The following TUT7 variants were observed in gnomAD, a reference collection of about 807,000 sequenced individuals.
The protein encoded by TUT7 is terminal uridylyltransferase 7.
Under a neutral mutation model 165.9 loss-of-function variants are expected in TUT7, and 33 were observed. The observed-to-expected ratio is 0.20, with a 90% CI of 0.15 to 0.27. The LOEUF (loss-of-function observed/expected upper bound fraction) is 0.27, where lower values mean the gene tolerates loss of function less well. Among genes scored for constraint, TUT7 ranks in the 10% least tolerant of loss-of-function variants. The probability of loss-of-function intolerance (pLI) is 1.00; values close to 1 mark genes in which losing one functional copy is unlikely to be tolerated. For synonymous variants in TUT7, 552 were observed against 608.1 expected (o/e 0.91, Z 1.36); for missense variants, 1,338 against 1,762.3 (o/e 0.76, Z 4.31).
chr9:86,315,606 C>T (rs1210892443), intron 17 of TUT7, among the ~76,000 whole-genome samples: 1 of 152,100 alleles, frequency 6.6e-6, no homozygotes, highest in Non-Finnish European at 1.5e-5. Flanking sequence ...TTAATAGTCA[C>T]GCTAACTTAG....
intron 22 of TUT7, among the ~76,000 whole-genome samples, chr9:86,306,394 G>A (rs530216081): frequency 8.5e-5 from 13 of 152,262 alleles, no homozygotes; most frequent in Non-Finnish European, 1.8e-4. Flanking sequence ...GCTATGAGAA[G>A]GTTACCTTCA....
chr9:86,326,960 T>C (rs1000389074), intron 11 of TUT7, among the ~76,000 whole-genome samples: 3 of 152,202 alleles, frequency 2.0e-5, no homozygotes, highest in Non-Finnish European at 4.4e-5. Flanking sequence ...TCCTCTAAGG[T>C]GCACAAATTT....
chr9:86,303,613 G>T (rs1443248131), intron 24 of TUT7, among the ~76,000 whole-genome samples: 1 of 151,734 alleles, frequency 6.6e-6, no homozygotes, highest in South Asian at 2.1e-4. Flanking sequence ...TTGAAGAAAA[G>T]AAAAAAAACT....
chr9:86,319,480 C>T, intron 15 of TUT7, 104 bp downstream of exon 15: 1 of 819,892 alleles, frequency 1.2e-6, no homozygotes, highest in Non-Finnish European at 1.9e-6. Flanking sequence ...TATTGCAAAA[C>T]AATGGAAATC....
chr9:86,325,210 C>T, intron 12 of TUT7, 124 bp downstream of exon 12: 1 of 838,340 alleles, frequency 1.2e-6, no homozygotes, highest in Non-Finnish European at 1.9e-6. Flanking sequence ...CTATTTATTT[C>T]CCTTTGAGGG....
chr9:86,304,130 C>T (rs1039257670), intron 24 of TUT7, among the ~76,000 whole-genome samples: 2 of 138,658 alleles, frequency 1.4e-5, no homozygotes, highest in African/African-American at 6.0e-5. Context: ...TGTCTCCCCA[C>T]AAAAAATGGT....
chr9:86,303,296 G>T, intron 24 of TUT7, 95 bp from the exon 25 acceptor site: 1 of 585,548 alleles, frequency 1.7e-6, no homozygotes, highest in Non-Finnish European at 3.0e-6. Flanking sequence ...ACAATTCAAT[G>T]TTGATATAAC....
rs748932794 is a variant in TUT7, at chr9:86,322,899, T to C, written c.2851A>G (p.Ser951Gly). The C allele has an allele frequency of 2.8e-5, 45 of 1,605,852 alleles. No individual in the cohort carries two copies. Among genetic ancestry groups the C allele is most frequent in the Non-Finnish European group, 3.7e-5 (43 of 1,176,872 alleles). The change falls in exon 13 of 27, where the codon AGT (serine) becomes GGT (glycine). Residue 951 changes from serine (S) to glycine (G), a missense_variant. Around this residue, in one of 7 missense-constraint regions of TUT7, gnomAD observed 425 missense variants for 474.9 expected, o/e 0.89. Coordinates refer to ENST00000375963, the MANE Select transcript of TUT7 (RefSeq NM_024617.4). ...TTGCCTTTGGTGAAGATAAGTTTAC[T>C]GAATTCATAAAAAAAATCAGACTGA... is the stretch of plus-strand genomic sequence containing the variant. Reference protein sequence around the residue: ...VDQSDFFYEFSKLIFTKGKSP... With the variant: ...VDQSDFFYEFGKLIFTKGKSP...
At chr9:86,352,212 G>T (rs1323297707) in intron 2 of TUT7, among the ~76,000 whole-genome samples, 3 of 152,038 alleles carry the variant, frequency 2.0e-5, no homozygotes, top group Non-Finnish European at 4.4e-5. Flanking sequence ...CTTGTGGCAG[G>T]AGATATACGC....
chr9:86,353,335 G>T, intron 1 of TUT7, 105 bp from the exon 2 acceptor site: 1 of 869,134 alleles, frequency 1.2e-6, no homozygotes, highest in Non-Finnish European at 1.7e-6. Flanking sequence ...CTGTAAGAAA[G>T]AAACTCCCTA....
Position 86,309,525 on chromosome 9 carries a change from T to C in TUT7, c.3520A>G (p.Thr1174Ala). 6.2e-7 allele frequency: 1 copy of C among 1,613,562 alleles called. No individual in the cohort carries two copies. Among genetic ancestry groups the C allele is most frequent in the Non-Finnish European group, 8.5e-7 (1 of 1,179,896 alleles). Residue 1174 changes from threonine (T) to alanine (A), a missense_variant, in exon 20 of 27, where the codon ACT becomes GCT. Transcript: ENST00000375963. ...TGGAGAAAATATAGCACCATAAGAG[T>C]ATATGCATACGATGATAAGCTGCCT... is the stretch of plus-strand genomic sequence containing the variant. ...SRGSLSSYAY[T>A]LMVLYFLQQR... is the part of the protein sequence containing the mutation.
intron 26 of TUT7, among the ~76,000 whole-genome samples, chr9:86,297,577 T>C (rs1436290738): frequency 2.6e-5 from 4 of 152,146 alleles, no homozygotes; most frequent in African/African-American, 9.7e-5. Flanking sequence ...TCTATCATTT[T>C]AGTATTTTGG....
chr9:86,338,188 T>G (rs907273140), intron 9 of TUT7, among the ~76,000 whole-genome samples: 13 of 151,290 alleles, frequency 8.6e-5, no homozygotes, highest in African/African-American at 2.7e-4. Flanking sequence ...TGATTTTCTC[T>G]AAAAGCACAT....
chr9:86,314,733 T>C (rs770409211), intron 17 of TUT7, among the ~76,000 whole-genome samples: 1 of 152,206 alleles, frequency 6.6e-6, no homozygotes, highest in Non-Finnish European at 1.5e-5. Context: ...CCTTATGTTA[T>C]GCTTTTATTG....
chr9:86,309,395 T>G, intron 20 of TUT7, 68 bp downstream of exon 20: 1 of 1,482,238 alleles, frequency 6.7e-7, no homozygotes. Flanking sequence ...CACAGAATTT[T>G]AGAGGAGGAG....
intron 9 of TUT7, among the ~76,000 whole-genome samples, chr9:86,338,342 C>A (rs1438479976): frequency 6.6e-6 from 1 of 151,462 alleles, no homozygotes; most frequent in Non-Finnish European, 1.5e-5. Context: ...ATAATCATGA[C>A]TCAACCTCAC....
chr9:86,334,623 GT>G (rs1309191931), intron 10 of TUT7, among the ~76,000 whole-genome samples: 2 of 151,966 alleles, frequency 1.3e-5, no homozygotes, highest in Non-Finnish European at 2.9e-5. Context: ...CGTTTGTTCA[GT>G]TTTTTTTCTT....
rs769624008 is a variant in TUT7 at position 86,353,241 on chromosome 9, G to C, written c.-31-11C>G. ...TTTCTTACTTTGCACCTGAAAGAAG[G>C]TATTTTGGGGAAATATCAAACTATA... On this transcript the variant is annotated splice_polypyrimidine_tract_variant and intron_variant, in intron 1 of 26. Transcript: ENST00000375963. 2.0e-6 allele frequency: 3 copies of C among 1,516,706 alleles called. No individual in the cohort carries two copies. Among genetic ancestry groups the C allele is most frequent in the Non-Finnish European group, 1.8e-6 (2 of 1,138,266 alleles). 94.0% of individuals were successfully genotyped at this position (1,516,706 alleles called of 1,614,324 possible).
intron 26 of TUT7, among the ~76,000 whole-genome samples, chr9:86,290,256 G>T (rs778157460): frequency 6.6e-6 from 1 of 152,230 alleles, no homozygotes; most frequent in African/African-American, 2.4e-5. Context: ...AGAATGGAGG[G>T]AGTACAGATG....
Sources: allele counts gnomAD v4.1 joint callset (sites outside exome capture counted in the v4.1 genomes callset), GRCh38; gene constraint gnomAD v4.1.1; regional missense constraint gnomAD v4.1.1; transcripts MANE v1.5; gene names NCBI Gene and HGNC (gene_info 2026-07-23, HGNC 2026-07-21).